PHLPP1: variants seen among roughly 807,000 people sequenced by gnomAD.
PHLPP1 encodes PH domain leucine-rich repeat-containing protein phosphatase 1.
In PHLPP1, 42 loss-of-function variants were observed where a neutral mutation model predicts 117.2. The ratio of observed to expected loss-of-function variants is 0.36; its 90% CI spans 0.28 to 0.46. PHLPP1 has a LOEUF of 0.46. Among genes scored for constraint, PHLPP1 ranks in the 20% least tolerant of loss-of-function variants. The pLI is 1.00. For synonymous variants in PHLPP1, 1,042 were observed against 970.7 expected, an observed-to-expected ratio of 1.07 and a Z score of -1.37; for missense variants, 2,084 against 2,241.9, an observed-to-expected ratio of 0.93 and a Z score of 1.42.
chr18:62,961,066 G>GT (rs1050199744), intron 13 of PHLPP1, among the ~76,000 whole-genome samples: 24 of 152,174 alleles, frequency 1.6e-4, no homozygotes, highest in African/African-American at 5.8e-4. Flanking sequence ...GGAGGCCGAG[G>GT]TGGGTAGATC....
chr18:62,923,721 T>C (rs1909543031), intron 10 of PHLPP1, among the ~76,000 whole-genome samples: 1 of 152,182 alleles, frequency 6.6e-6, no homozygotes, highest in African/African-American at 2.4e-5. Flanking sequence ...GAGGCATAAT[T>C]TAAACTCAGG....
At chr18:62,928,165 A>C (rs1298217018) in intron 10 of PHLPP1, among the ~76,000 whole-genome samples, 1 of 152,164 alleles carries the variant, frequency 6.6e-6, no homozygotes, top group Non-Finnish European at 1.5e-5. Flanking sequence ...TGTAAGCACC[A>C]AAAACATAAG....
intron 1 of PHLPP1, among the ~76,000 whole-genome samples, chr18:62,732,618 T>C (rs1197874396): frequency 6.6e-6 from 1 of 152,252 alleles, no homozygotes; most frequent in African/African-American, 2.4e-5. Context: ...ATTTCTGGTC[T>C]TATTATTTAA....
At chr18:62,957,669 C>G (rs1910653019) in intron 12 of PHLPP1, among the ~76,000 whole-genome samples, 1 of 150,364 alleles carries the variant, frequency 6.7e-6, no homozygotes, top group African/African-American at 2.4e-5. Context: ...TCGCCCAGGC[C>G]AGAATGCAGT....
intron 6 of PHLPP1, among the ~76,000 whole-genome samples, chr18:62,901,631 T>TC (rs1248119363): frequency 1.3e-5 from 2 of 151,328 alleles, no homozygotes; most frequent in East Asian, 3.9e-4. Context: ...CTTTTTTCTT[T>TC]TTTTTTTTTT....
chr18:62,752,847 AAAC>A (rs1198521975), intron 1 of PHLPP1, among the ~76,000 whole-genome samples: 3 of 152,236 alleles, frequency 2.0e-5, no homozygotes, highest in Non-Finnish European at 4.4e-5. Flanking sequence ...ATGCAGTTAA[AAAC>A]AACAACAAAA....
At chr18:62,961,066 GT>G (rs1568175287) in intron 13 of PHLPP1, among the ~76,000 whole-genome samples, 1 of 152,174 alleles carries the variant, frequency 6.6e-6, no homozygotes, top group Non-Finnish European at 1.5e-5. Flanking sequence ...GGAGGCCGAG[GT>G]GGGTAGATCA....
intron 14 of PHLPP1, among the ~76,000 whole-genome samples, chr18:62,965,881 T>A (rs1362824039): frequency 6.6e-6 from 1 of 151,916 alleles, no homozygotes; most frequent in African/African-American, 2.4e-5. Context: ...TTACTGTATT[T>A]TTTTTTCTCT....
Position 62,715,649 on chromosome 18 carries a change from C to A in PHLPP1, c.-35C>A. 7.9e-7 allele frequency: 1 copy of A among 1,259,486 alleles called. No homozygotes were observed. Among genetic ancestry groups the A allele is most frequent in the Non-Finnish European group, 1.0e-6 (1 of 1,003,258 alleles). 78.0% of individuals were successfully genotyped at this position (1,259,486 alleles called of 1,614,324 possible). On this transcript the variant is annotated 5_prime_UTR_variant, in exon 1 of 17. Transcript: ENST00000262719. ...TCGCCTCCCTCTCCGCCCGCTGCCT[C>A]CGGAGCTGGGGGGGAAACGCGAAGC... is the stretch of plus-strand genomic sequence containing the variant.
chr18:62,927,226 T>C (rs530077967), intron 10 of PHLPP1, among the ~76,000 whole-genome samples: 45 of 152,206 alleles, frequency 3.0e-4, no homozygotes, highest in Non-Finnish European at 5.3e-4. Context: ...TATCTTCACT[T>C]ATCTGTGCTG....
At chr18:62,939,840 T>C (rs879700475) in intron 10 of PHLPP1, among the ~76,000 whole-genome samples, 13 of 152,136 alleles carry the variant, frequency 8.5e-5, no homozygotes, top group African/African-American at 2.2e-4. Flanking sequence ...GCCTTTTTTT[T>C]TCTCTCCAAG....
chr18:62,732,795 T>C (rs1449612208), intron 1 of PHLPP1, among the ~76,000 whole-genome samples: 2 of 152,100 alleles, frequency 1.3e-5, no homozygotes, highest in Non-Finnish European at 2.9e-5. Flanking sequence ...TTAGGAGAAG[T>C]TGATTTATGG....
rs948458342 is a variant in PHLPP1, at chr18:62,716,974, C to T, written c.1291C>T (p.Arg431Cys). 1.2e-5 allele frequency: 18 copies of T among 1,540,426 alleles called. No homozygotes were observed. The highest frequency in any genetic ancestry group is 1.6e-5 in the Non-Finnish European group (18 of 1,146,070). ...CATTGACAGCCCGGGCGGGGCCGTC[C>T]GCGAGGGGTCGTGCGAGGAGAAGGC... ...RAIDSPGGAV[R>C]EGSCEEKAAA... Residue 431 changes from arginine (R) to cysteine (C), a missense_variant, in exon 1 of 17, where the codon CGC becomes TGC. Around this residue, in one of 2 missense-constraint regions of PHLPP1, gnomAD observed 719 missense variants for 636.0 expected, o/e 1.13. Coordinates refer to ENST00000262719, the MANE Select transcript of PHLPP1 (RefSeq NM_194449.4). This position sits in a 1 kb window ranked among gnomAD's most constrained non-coding sequence, Gnocchi z 5.7.
chr18:62,928,478 C>G (rs1009178940), intron 10 of PHLPP1, among the ~76,000 whole-genome samples: 1 of 152,114 alleles, frequency 6.6e-6, no homozygotes, highest in African/African-American at 2.4e-5. Context: ...ATGACTTATA[C>G]CCACTAGGGT....
rs1017764937 is a variant in PHLPP1, at chr18:62,822,286, G to GT, written c.1577-7736dup. ...TAGTGTTTTTTTTTTTTTTGTTTTTGTTTTTTTTTTTTTGAGACAGAGTCT... is the reference window on the plus strand; with the variant it reads ...TAGTGTTTTTTTTTTTTTTGTTTTTGTTTTTTTTTTTTTTGAGACAGAGTCT... On this transcript the variant is annotated intron_variant, in intron 1 of 16. Coordinates refer to ENST00000262719, the MANE Select transcript of PHLPP1 (RefSeq NM_194449.4). Among the ~76,000 whole-genome samples the GT allele has an allele frequency of 1.9e-3, 255 of 133,120 alleles. 6 individuals carry two copies. The highest frequency in any genetic ancestry group is 5.1e-3 in the South Asian group (21 of 4,110). 87.3% of individuals were successfully genotyped at this position (133,120 alleles called of 152,430 possible). A position where few individuals can be genotyped will look rare whatever the true frequency, so the allele number is the denominator to read the frequency against.
At chr18:62,962,285 TTA>T (rs1361047148) in intron 13 of PHLPP1, among the ~76,000 whole-genome samples, 3 of 146,154 alleles carry the variant, frequency 2.1e-5, no homozygotes, top group Admixed American at 6.7e-5. Context: ...TTATGTTCTT[TTA>T]TGTTATGTTA....
intron 14 of PHLPP1, among the ~76,000 whole-genome samples, chr18:62,969,998 A>G (rs539433585): frequency 8.6e-5 from 13 of 151,908 alleles, no homozygotes; most frequent in Non-Finnish European, 1.6e-4. Context: ...CCACCTTACT[A>G]TTGTTTTCTA....
intron 4 of PHLPP1, among the ~76,000 whole-genome samples, chr18:62,861,318 G>C (rs924146245): frequency 1.3e-5 from 2 of 152,116 alleles, no homozygotes; most frequent in Non-Finnish European, 1.5e-5. Context: ...TGGCCAGGCT[G>C]GTCTTGAACT....
intron 4 of PHLPP1, among the ~76,000 whole-genome samples, chr18:62,870,467 A>T (rs192831750): frequency 6.6e-6 from 1 of 152,318 alleles, no homozygotes; most frequent in African/African-American, 2.4e-5. Flanking sequence ...CCATATATTT[A>T]GTTGCTTATT....
Sources: gnomAD v4.1 joint callset for allele counts (sites outside exome capture counted in the v4.1 genomes callset) on GRCh38, gnomAD v4.1.1 for gene constraint, gnomAD v4.1.1 regional missense constraint, Gnocchi (gnomAD v3.1) non-coding constraint, MANE v1.5 for transcripts, NCBI Gene and HGNC (gene_info 2026-07-23, HGNC 2026-07-21) for gene names.